TFDP2: variants seen among roughly 807,000 people sequenced by gnomAD.
TFDP2 encodes transcription factor Dp-2.
TFDP2 carries 17 observed loss-of-function variants against 59.3 expected under a neutral mutation model. That is an observed-to-expected ratio of 0.29 (90% CI 0.20 to 0.43). The LOEUF (loss-of-function observed/expected upper bound fraction) is 0.43. Among genes scored for constraint, TFDP2 ranks in the 20% least tolerant of loss-of-function variants. TFDP2 has a pLI of 1.00. For synonymous variants in TFDP2, 180 were observed against 194.7 expected, an observed-to-expected ratio of 0.92 and a Z score of 0.63; for missense variants, 391 against 528.8, an observed-to-expected ratio of 0.74 and a Z score of 2.56.
At chr3:142,022,990 T>C (rs887856826) in intron 3 of TFDP2, among the ~76,000 whole-genome samples, 10 of 151,134 alleles carry the variant, frequency 6.6e-5, no homozygotes, top group African/African-American at 2.4e-4. Context: ...CGCAGTGGCA[T>C]GCGCCCGTAG....
chr3:142,093,008 C>T, intron 3 of TFDP2, 53 bp downstream of exon 3: 1 of 1,236,550 alleles, frequency 8.1e-7, no homozygotes, highest in East Asian at 2.6e-5. Flanking sequence ...TTTTACAAAA[C>T]AAATGCAATA....
chr3:142,071,585 G>C (rs1012130720), intron 3 of TFDP2, among the ~76,000 whole-genome samples: 1 of 152,226 alleles, frequency 6.6e-6, no homozygotes, highest in African/African-American at 2.4e-5. Flanking sequence ...CTACAGTACA[G>C]AGAATGAAAC....
rs951486806 is a variant in TFDP2, at chr3:141,950,529, G to C, written c.*1984C>G. ...AACTCTGGCAAGAATGTTGCTACTT[G>C]GTGAAGGAATGGTTATCATTAGTGC... On this transcript the variant is annotated 3_prime_UTR_variant, in exon 13 of 13. Transcript: ENST00000489671. 1.3e-5 allele frequency: 2 copies of C among 152,624 alleles called. No individual in the cohort carries two copies. The highest frequency in any genetic ancestry group is 3.2e-3 in the Middle Eastern group (1 of 316). 9.5% of individuals were successfully genotyped at this position (152,624 alleles called of 1,614,324 possible). A position where few individuals can be genotyped will look rare whatever the true frequency, so the allele number is the denominator to read the frequency against.
chr3:142,100,404 C>G (rs2061284373), intron 2 of TFDP2, among the ~76,000 whole-genome samples: 2 of 152,202 alleles, frequency 1.3e-5, no homozygotes, highest in Admixed American at 1.3e-4. Flanking sequence ...CGAAGTCTCG[C>G]TCTTGTCCCC....
chr3:142,053,053 T>C (rs1436233031), intron 3 of TFDP2, among the ~76,000 whole-genome samples: 1 of 152,016 alleles, frequency 6.6e-6, no homozygotes, highest in Admixed American at 6.5e-5. Flanking sequence ...CGTGATCCAC[T>C]TGCCTCAGCC....
At chr3:142,143,128 T>G (rs113328585) in intron 1 of TFDP2, among the ~76,000 whole-genome samples, 2 of 152,050 alleles carry the variant, frequency 1.3e-5, no homozygotes, top group African/African-American at 2.4e-5. Flanking sequence ...CCCAGCTACT[T>G]GGGTGGCTGA....
intron 3 of TFDP2, among the ~76,000 whole-genome samples, chr3:142,030,580 A>G (rs1241665598): frequency 2.0e-5 from 3 of 152,182 alleles, no homozygotes; most frequent in East Asian, 1.9e-4. Flanking sequence ...TACAGAGAAA[A>G]TAAGTGTACA....
intron 3 of TFDP2, among the ~76,000 whole-genome samples, chr3:142,082,322 A>G (rs1334917121): frequency 1.3e-5 from 2 of 152,222 alleles, no homozygotes; most frequent in East Asian, 3.8e-4. Flanking sequence ...TTGTATAATT[A>G]CTTCATTATA....
intron 1 of TFDP2, among the ~76,000 whole-genome samples, chr3:142,137,474 A>G (rs1290505045): frequency 6.6e-6 from 1 of 152,192 alleles, no homozygotes; most frequent in Non-Finnish European, 1.5e-5. Context: ...TTCAAAGGGA[A>G]TGCTTCCAGT....
chr3:142,069,029 C>T (rs1264798801), intron 3 of TFDP2, among the ~76,000 whole-genome samples: 1 of 152,070 alleles, frequency 6.6e-6, no homozygotes, highest in Non-Finnish European at 1.5e-5. Context: ...GATTCTCCTG[C>T]CTCAGTCTCC....
chr3:142,003,167 A>AT (rs1284281528), intron 4 of TFDP2, among the ~76,000 whole-genome samples: 6 of 151,884 alleles, frequency 4.0e-5, no homozygotes, highest in African/African-American at 1.2e-4. Flanking sequence ...TGCTTGGCTA[A>AT]TTTTTTGTAT....
chr3:142,014,425 A>T (rs1320634369), intron 3 of TFDP2, among the ~76,000 whole-genome samples: 1 of 152,112 alleles, frequency 6.6e-6, no homozygotes, highest in Non-Finnish European at 1.5e-5. Flanking sequence ...GATTCCAGGC[A>T]TGAGCCACCA....
intron 3 of TFDP2, among the ~76,000 whole-genome samples, chr3:142,057,599 T>TG (rs1416552646): frequency 6.6e-6 from 1 of 152,236 alleles, no homozygotes; most frequent in Non-Finnish European, 1.5e-5. Flanking sequence ...ACAAGTAGTC[T>TG]GGTGAAACAA....
chr3:141,944,865 C>T lies in TFDP2; in HGVS notation c.*7648G>A, dbSNP rs775608300. On this transcript the variant is annotated 3_prime_UTR_variant, in exon 13 of 13. Transcript: ENST00000489671. ...GCATTTATTTACAAAGTCTGAGATA[C>T]TACAAAATAATATATCATATTAGGT... is the stretch of plus-strand genomic sequence containing the variant. 1 of 152,174 alleles carries T rather than the reference C, an allele frequency of 6.6e-6. No individual in the cohort carries two copies. Among genetic ancestry groups the T allele is most frequent in the Non-Finnish European group, 1.5e-5 (1 of 68,042 alleles). The allele number at this position is 152,174 out of a possible 1,614,324, so 9.4% of individuals were successfully genotyped here.
At chr3:141,988,893 G>A (rs1430598119) in intron 6 of TFDP2, among the ~76,000 whole-genome samples, 2 of 151,788 alleles carry the variant, frequency 1.3e-5, no homozygotes, top group African/African-American at 2.4e-5. Flanking sequence ...GAACTGATCC[G>A]CCTGCCTCAG....
intron 3 of TFDP2, among the ~76,000 whole-genome samples, chr3:142,055,985 G>T (rs1431493196): frequency 8.9e-6 from 1 of 112,268 alleles, no homozygotes; most frequent in African/African-American, 3.6e-5. Context: ...ACAGAGTCTC[G>T]CTCTGTCGCC....
chr3:141,968,887 TAA>T (rs1443842404), intron 9 of TFDP2, among the ~76,000 whole-genome samples: 1 of 92,360 alleles, frequency 1.1e-5, no homozygotes, highest in Non-Finnish European at 2.0e-5. Flanking sequence ...TAGATATATA[TAA>T]CACATATATA....
intron 3 of TFDP2, among the ~76,000 whole-genome samples, chr3:142,064,978 T>A (rs2060028615): frequency 6.6e-6 from 1 of 152,196 alleles, no homozygotes; most frequent in South Asian, 2.1e-4. Flanking sequence ...AATTATTTAA[T>A]ATGGTAACAA....
chr3:142,057,791 G>A (rs940157969), intron 3 of TFDP2, among the ~76,000 whole-genome samples: 2 of 152,202 alleles, frequency 1.3e-5, no homozygotes, highest in South Asian at 2.1e-4. Context: ...TGGCTACAGG[G>A]AGACGCTAGA....
Sources: gnomAD v4.1 joint callset for allele counts (sites outside exome capture counted in the v4.1 genomes callset) on GRCh38, gnomAD v4.1.1 for gene constraint, MANE v1.5 for transcripts, NCBI Gene and HGNC (gene_info 2026-07-23, HGNC 2026-07-21) for gene names.